The following AHI1 variants were observed in gnomAD, a reference collection of about 807,000 sequenced individuals.
The protein encoded by AHI1 is jouberin.
AHI1 carries 123 observed loss-of-function variants against 149.3 expected under a neutral mutation model. That is an observed-to-expected ratio of 0.82 (90% CI 0.71 to 0.96). The LOEUF is 0.96. Ranked by LOEUF, AHI1 falls within the 40% of genes least tolerant of loss-of-function variation. AHI1 has a pLI of 0.00. For missense variants in AHI1, 1,439 were observed against 1,422.7 expected (o/e 1.01, Z -0.18); for synonymous variants, 475 against 459.8 (o/e 1.03, Z -0.42).
chr6:135,303,726 T>C (rs1351761877), intron 26 of AHI1, among the ~76,000 whole-genome samples: 1 of 152,204 alleles, frequency 6.6e-6, no homozygotes, highest in East Asian at 1.9e-4. Context: ...GGCAAAACTA[T>C]TTTCAATACA....
In AHI1 at chr6:135,466,281, C is replaced by A; in HGVS notation, c.282G>T (p.Thr94=). 6.2e-7 allele frequency: 1 copy of A among 1,613,920 alleles called. No individual in the cohort carries two copies. Among genetic ancestry groups the A allele is most frequent in the Non-Finnish European group, 8.5e-7 (1 of 1,179,856 alleles). The change falls in exon 7 of 29, where the codon ACG becomes ACT. Residue 94 remains threonine, a synonymous_variant. Coordinates refer to ENST00000265602, the MANE Select transcript of AHI1 (RefSeq NM_001134831.2). ...AANTNNLKKS[T]RVTKNKLRNT... ...TCCTCAATTTGTTTTTAGTGACTCT[C>A]GTGCTCTTCTTCAGGTTGTTAGTGT...
chr6:135,433,345 C>T (rs765293261), intron 15 of AHI1, 89 bp from the exon 16 acceptor site: 3 of 846,930 alleles, frequency 3.5e-6, no homozygotes, highest in Non-Finnish European at 5.4e-6. Flanking sequence ...GCCAATGAAC[C>T]TTAAGCAAGC....
intron 8 of AHI1, among the ~76,000 whole-genome samples, chr6:135,458,156 T>C (rs1789277166): frequency 6.6e-6 from 1 of 152,056 alleles, no homozygotes; most frequent in South Asian, 2.1e-4. Context: ...ATCAGAAAAG[T>C]ACAGAAAGAA....
chr6:135,487,627 G>A (rs1794668197), intron 5 of AHI1, among the ~76,000 whole-genome samples: 1 of 152,070 alleles, frequency 6.6e-6, no homozygotes, highest in Non-Finnish European at 1.5e-5. Context: ...AATCAAATCA[G>A]AGCATCTGAG....
chr6:135,319,923 G>A (rs141864376), intron 25 of AHI1, among the ~76,000 whole-genome samples: 2 of 152,262 alleles, frequency 1.3e-5, no homozygotes, highest in Non-Finnish European at 2.9e-5. Flanking sequence ...CTTTTATTGT[G>A]TTGTTCTCTT....
chr6:135,380,641 G>A (rs1177092946), intron 23 of AHI1, among the ~76,000 whole-genome samples: 1 of 150,704 alleles, frequency 6.6e-6, no homozygotes, highest in African/African-American at 2.4e-5. Context: ...GACACTGTAA[G>A]TATGCACTGG....
At chr6:135,437,645 G>T (rs933933479) in intron 15 of AHI1, among the ~76,000 whole-genome samples, 5 of 152,198 alleles carry the variant, frequency 3.3e-5, no homozygotes, top group African/African-American at 1.2e-4. Context: ...AAATGACAAT[G>T]AATTCAGCAT....
chr6:135,492,537 A>G (rs573044948), intron 3 of AHI1: 136 of 983,616 alleles, frequency 1.4e-4, no homozygotes, highest in Non-Finnish European at 1.6e-4. Flanking sequence ...TTGAAACAAA[A>G]AAAACATTTT....
chr6:135,415,898 TAA>T (rs1782304033), intron 20 of AHI1, among the ~76,000 whole-genome samples: 1 of 151,902 alleles, frequency 6.6e-6, no homozygotes, highest in African/African-American at 2.4e-5. Context: ...AGGAGCCAGA[TAA>T]AAAAAGAGTA....
At chr6:135,318,449 A>G (rs1786300887) in intron 26 of AHI1, 70 bp downstream of exon 26, 1 of 990,668 alleles carries the variant, frequency 1.0e-6, no homozygotes, top group Non-Finnish European at 1.5e-6. Context: ...ATAAAAAATA[A>G]AGTAATATTT....
rs534396022 is a variant in AHI1, at chr6:135,402,569, T to A, written c.2988+2382A>T. Among the ~76,000 whole-genome samples, 78 of 152,110 alleles carry A rather than the reference T, an allele frequency of 5.1e-4. No homozygotes were observed. The South Asian group carries it at 6.0e-3, about 12-fold the overall frequency. On this transcript the variant is annotated intron_variant, in intron 22 of 28. Coordinates refer to ENST00000265602, the MANE Select transcript of AHI1 (RefSeq NM_001134831.2). ...ATAGGTGGATTTTTTTTCAGTAAGT[T>A]ACACCAAGAGTGCCTGCCTCTCCTG...
At position 135,473,645 on chromosome 6, in the gene AHI1, A is replaced by G. The variant is rs528529352; in HGVS notation, c.136-6011T>C. On this transcript the variant is annotated intron_variant, in intron 5 of 28. Transcript: ENST00000265602. ...ATGTTGATTCTTCTGATCCATGAAC[A>G]TGAATATCTATTTACTTAGGTCTTT... 9.0e-4 allele frequency among the ~76,000 whole-genome samples: 137 copies of G among 152,302 alleles called. 1 individual carries two copies. Among genetic ancestry groups the G allele is most frequent in the African/African-American group, 3.1e-3 (130 of 41,576 alleles).
chr6:135,382,921 AAAAAAATATAT>A (rs1182409377), intron 23 of AHI1, among the ~76,000 whole-genome samples: 3 of 93,730 alleles, frequency 3.2e-5, no homozygotes, highest in African/African-American at 1.1e-4. Flanking sequence ...AAAAAAAAAA[AAAAAAATATAT>A]ATATATATAT....
chr6:135,472,181 TAC>T (rs1791856062), intron 5 of AHI1, among the ~76,000 whole-genome samples: 1 of 152,142 alleles, frequency 6.6e-6, no homozygotes, highest in African/African-American at 2.4e-5. Flanking sequence ...CATGTCCTGT[TAC>T]ACAGTCAATG....
chr6:135,303,576 G>C (rs1287079214), intron 26 of AHI1, among the ~76,000 whole-genome samples: 1 of 151,102 alleles, frequency 6.6e-6, no homozygotes, highest in African/African-American at 2.4e-5. Context: ...TCACTTGAAA[G>C]TAGGTGAGGG....
chr6:135,391,915 T>C (rs1475809231), intron 23 of AHI1, among the ~76,000 whole-genome samples: 1 of 152,096 alleles, frequency 6.6e-6, no homozygotes. Flanking sequence ...GGCTCCTAGT[T>C]ATCTCTAAAC....
Position 135,328,737 on chromosome 6 carries a change from A to G in AHI1, c.3166-5413T>C, listed in dbSNP as rs373289454. On this transcript the variant is annotated intron_variant, in intron 24 of 28. Coordinates refer to ENST00000265602, the MANE Select transcript of AHI1 (RefSeq NM_001134831.2). ...TTTAAATAAAAAACTAGAAATGATT[A>G]AGTTTAGTGAGGAAGGGATGTAGAA... 7.2e-5 allele frequency among the ~76,000 whole-genome samples: 11 copies of G among 152,242 alleles called. No individual in the cohort carries two copies. The East Asian group carries it at 2.1e-3, about 29-fold the overall frequency.
chr6:135,351,800 T>C (rs376556016), intron 24 of AHI1, among the ~76,000 whole-genome samples: 2 of 152,324 alleles, frequency 1.3e-5, no homozygotes, highest in South Asian at 2.1e-4. Context: ...ATAGGTGGAA[T>C]AGAAGGTGGG....
intron 12 of AHI1, among the ~76,000 whole-genome samples, 157 bp from the exon 13 acceptor site, chr6:135,447,317 A>G (rs957567405): frequency 2.0e-5 from 3 of 152,216 alleles, no homozygotes; most frequent in Admixed American, 2.0e-4. Flanking sequence ...TATTCTAAAT[A>G]AAATAAAAAA....
Sources: gnomAD v4.1 joint callset for allele counts (sites outside exome capture counted in the v4.1 genomes callset) on GRCh38, gnomAD v4.1.1 for gene constraint, MANE v1.5 for transcripts, NCBI Gene and HGNC (gene_info 2026-07-23, HGNC 2026-07-21) for gene names.